The following CLASP2 variants were observed in gnomAD, a reference collection of about 807,000 sequenced individuals.
The protein encoded by CLASP2 is CLIP-associating protein 2.
CLASP2 carries 47 observed loss-of-function variants against 194.4 expected under a neutral mutation model. The observed-to-expected ratio is 0.24, with a 90% confidence interval of 0.19 to 0.31. The LOEUF is 0.31. Among genes scored for constraint, CLASP2 ranks in the 10% least tolerant of loss-of-function variants. The pLI is 1.00. For synonymous variants in CLASP2, 619 were observed against 633.5 expected, an observed-to-expected ratio of 0.98 and a Z score of 0.34; for missense variants, 1,445 against 1,823.6, an observed-to-expected ratio of 0.79 and a Z score of 3.78.
intron 8 of CLASP2, among the ~76,000 whole-genome samples, chr3:33,641,752 ATT>A (rs74553715): frequency 2.1e-5 from 3 of 145,558 alleles, no homozygotes; most frequent in Non-Finnish European, 3.0e-5. Context: ...AGCTCACTGT[ATT>A]TTTTTTTTTT....
At chr3:33,604,243 A>G in intron 16 of CLASP2, 34 bp from the exon 17 acceptor site, 2 of 1,322,224 alleles carry the variant, frequency 1.5e-6, no homozygotes, top group Non-Finnish European at 2.1e-6. Flanking sequence ...TAGTAAGAAG[A>G]CAATTTAACA....
chr3:33,639,503 A>T (rs2080886040), intron 8 of CLASP2, among the ~76,000 whole-genome samples: 1 of 152,188 alleles, frequency 6.6e-6, no homozygotes, highest in African/African-American at 2.4e-5. Context: ...TTCCTCAAAA[A>T]ATAAACCTTG....
intron 17 of CLASP2, among the ~76,000 whole-genome samples, chr3:33,603,644 A>G (rs929258400): frequency 2.0e-5 from 3 of 151,952 alleles, no homozygotes; most frequent in Admixed American, 2.0e-4. Context: ...TTTTTTTGAG[A>G]CAAAGTCTCG....
At chr3:33,608,483 A>G in intron 14 of CLASP2, 84 bp downstream of exon 14, 1 of 1,084,186 alleles carries the variant, frequency 9.2e-7, no homozygotes, top group Non-Finnish European at 1.4e-6. Context: ...AAAATGAGAA[A>G]TAATGTAAAA....
At chr3:33,538,065 C>T (rs1446375792) in intron 33 of CLASP2, among the ~76,000 whole-genome samples, 2 of 151,598 alleles carry the variant, frequency 1.3e-5, no homozygotes, top group African/African-American at 2.4e-5. Flanking sequence ...GGCGTGAACC[C>T]GGAAGGCAGA....
chr3:33,548,028 A>G (rs2059423354), intron 30 of CLASP2, among the ~76,000 whole-genome samples: 1 of 151,864 alleles, frequency 6.6e-6, no homozygotes, highest in South Asian at 2.1e-4. Context: ...CACCTGCCTC[A>G]GCCTCCTAAA....
chr3:33,711,932 C>A (rs2093033082), intron 1 of CLASP2, among the ~76,000 whole-genome samples: 1 of 152,008 alleles, frequency 6.6e-6, no homozygotes, highest in Non-Finnish European at 1.5e-5. Flanking sequence ...CTGCTGGTGT[C>A]CACTCTGAAA....
intron 27 of CLASP2, among the ~76,000 whole-genome samples, chr3:33,565,992 C>T (rs2062673979): frequency 6.6e-6 from 1 of 152,100 alleles, no homozygotes; most frequent in Non-Finnish European, 1.5e-5. Context: ...CTCTAACCTC[C>T]TCATTGTTCA....
intron 30 of CLASP2, among the ~76,000 whole-genome samples, chr3:33,550,392 CAAAAA>C (rs555351261): frequency 3.9e-4 from 20 of 51,664 alleles, no homozygotes; most frequent in Admixed American, 1.9e-3. Context: ...GAGACTGCCT[CAAAAA>C]AAAAAAAAAA....
At chr3:33,631,865 C>T (rs2079152800) in intron 9 of CLASP2, among the ~76,000 whole-genome samples, 1 of 151,488 alleles carries the variant, frequency 6.6e-6, no homozygotes, top group South Asian at 2.1e-4. Context: ...AAAAAAAGCA[C>T]TGAGTAAAAA....
chr3:33,561,848 C>T (rs185394934), intron 27 of CLASP2, among the ~76,000 whole-genome samples: 2 of 152,002 alleles, frequency 1.3e-5, no homozygotes, highest in East Asian at 3.9e-4. Flanking sequence ...AAACTGTCAG[C>T]CATAATGTAT....
chr3:33,595,949 AT>A (rs2070218695), intron 19 of CLASP2, among the ~76,000 whole-genome samples: 1 of 152,064 alleles, frequency 6.6e-6, no homozygotes, highest in South Asian at 2.1e-4. Context: ...TCAATTTTCC[AT>A]TTACATAATA....
intron 7 of CLASP2, among the ~76,000 whole-genome samples, chr3:33,661,885 G>A (rs2085364273): frequency 6.6e-6 from 1 of 152,176 alleles, no homozygotes; most frequent in South Asian, 2.1e-4. Context: ...GTGATAAATA[G>A]GTTTCCTTCT....
intron 33 of CLASP2, among the ~76,000 whole-genome samples, chr3:33,537,547 A>G (rs1006670218): frequency 6.6e-6 from 1 of 152,218 alleles, no homozygotes; most frequent in African/African-American, 2.4e-5. Flanking sequence ...GCAGGAAAGT[A>G]AAAAACTATT....
At chr3:33,595,513 T>C (rs554407971) in intron 19 of CLASP2, among the ~76,000 whole-genome samples, 7 of 152,244 alleles carry the variant, frequency 4.6e-5, no homozygotes, top group African/African-American at 1.7e-4. Context: ...TCAACATTTA[T>C]GTGCATTCCT....
At chr3:33,628,998 G>T (rs904929621) in intron 9 of CLASP2, among the ~76,000 whole-genome samples, 1 of 151,838 alleles carries the variant, frequency 6.6e-6, no homozygotes, top group Non-Finnish European at 1.5e-5. Flanking sequence ...CTAAATACTG[G>T]TAGAAGAACA....
intron 16 of CLASP2, 71 bp downstream of exon 16, chr3:33,606,520 T>G: frequency 8.2e-7 from 1 of 1,214,782 alleles, no homozygotes; most frequent in African/African-American, 1.5e-5. Flanking sequence ...GATATTCAAG[T>G]ATCCAACTTA....
intron 37 of CLASP2, among the ~76,000 whole-genome samples, chr3:33,510,187 G>T (rs1392535435): frequency 6.6e-6 from 1 of 152,130 alleles, no homozygotes; most frequent in Non-Finnish European, 1.5e-5. Flanking sequence ...GCAGAAAATA[G>T]AATAGAGGTT....
chr3:33,497,356 T>A lies in CLASP2; in HGVS notation c.*1275A>T, dbSNP rs1430616425. 6.6e-6 allele frequency: 1 copy of A among 152,616 alleles called. No homozygotes were observed. 9.5% of individuals were successfully genotyped at this position (152,616 alleles called of 1,614,324 possible). On this transcript the variant is annotated 3_prime_UTR_variant, in exon 39 of 39. Transcript: ENST00000682230. ...AAGTAAAGATGAGAAATCATTAGTATCCTGGTTCCAAATTATCTAATTTAG... is the reference window on the plus strand; with the variant it reads ...AAGTAAAGATGAGAAATCATTAGTAACCTGGTTCCAAATTATCTAATTTAG...
Sources: allele counts gnomAD v4.1 joint callset (sites outside exome capture counted in the v4.1 genomes callset), GRCh38; gene constraint gnomAD v4.1.1; transcripts MANE v1.5; gene names NCBI Gene and HGNC (gene_info 2026-07-23, HGNC 2026-07-21).